Variants in CALN1 observed in about 807,000 individuals in gnomAD.
The protein encoded by CALN1 is calneuron 1, also known as calcium-binding protein 8.
Under a neutral mutation model 30.6 loss-of-function variants are expected in CALN1, and 17 were observed. The ratio of observed to expected loss-of-function variants is 0.56; its 90% CI spans 0.38 to 0.83. The LOEUF is 0.83. Ranked by LOEUF, CALN1 falls within the 40% of genes least tolerant of loss-of-function variation. The probability of loss-of-function intolerance (pLI) is 0.00; values close to 1 mark genes in which losing one functional copy is unlikely to be tolerated. For missense variants in CALN1, 291 were observed against 354.9 expected (o/e 0.82, Z 1.45); for synonymous variants, 156 against 131.4 (o/e 1.19, Z -1.28).
rs1792899978 is a variant in CALN1 at position 71,784,784 on chromosome 7, C to G, written c.*2991G>C. The G allele has an allele frequency of 4.0e-5, 16 of 398,534 alleles. 1 individual carries two copies. The South Asian group carries it at 1.5e-3, about 38-fold the overall frequency. 24.7% of individuals were successfully genotyped at this position (398,534 alleles called of 1,614,324 possible). A position where few individuals can be genotyped will look rare whatever the true frequency, so the allele number is the denominator to read the frequency against. On this transcript the variant is annotated 3_prime_UTR_variant, in exon 7 of 7. Transcript: ENST00000395275. ...AGGGGTGAGCTATTCCCTCTCAATT[C>G]CTGCGGAAGTCACTTCCAGCTGGGG... is the stretch of plus-strand genomic sequence containing the variant.
At chr7:72,249,224 A>G (rs1240478935) in intron 3 of CALN1, among the ~76,000 whole-genome samples, 6 of 152,114 alleles carry the variant, frequency 3.9e-5, no homozygotes, top group African/African-American at 1.4e-4. Flanking sequence ...AAAAAATCAG[A>G]CAGATTCACC....
intron 1 of CALN1, among the ~76,000 whole-genome samples, chr7:72,407,989 T>C (rs1294488166): frequency 6.6e-6 from 1 of 152,098 alleles, no homozygotes; most frequent in Admixed American, 6.5e-5. Context: ...ACTTTGATTC[T>C]CCCCTTCTGT....
chr7:72,410,351 A>G (rs1807038741), intron 1 of CALN1, among the ~76,000 whole-genome samples: 1 of 152,242 alleles, frequency 6.6e-6, no homozygotes, highest in African/African-American at 2.4e-5. Context: ...TCAAAAGCAC[A>G]AAAAAGAAAT....
At chr7:72,413,218 T>TACACACATATACACTCAC (rs2129563232), upstream of CALN1, among the ~76,000 whole-genome samples, 1 of 149,276 alleles carries the variant, frequency 6.7e-6, no homozygotes. Context: ...CACACACTCA[T>TACACACATATACACTCAC]ACACACATAT....
At chr7:71,969,482 TC>T (rs1797691406) in intron 5 of CALN1, among the ~76,000 whole-genome samples, 1 of 152,156 alleles carries the variant, frequency 6.6e-6, no homozygotes, top group East Asian at 1.9e-4. Context: ...CATAAATAAA[TC>T]ATGACAGTGT....
chr7:72,192,939 G>A (rs1280176143), intron 3 of CALN1, among the ~76,000 whole-genome samples: 2 of 151,700 alleles, frequency 1.3e-5, no homozygotes, highest in Non-Finnish European at 2.9e-5. Flanking sequence ...TGTAATCCCA[G>A]CACTCTGGGA....
intron 3 of CALN1, among the ~76,000 whole-genome samples, chr7:72,271,575 A>AAAAAAAAAAATATATATATATATATAT: frequency 2.7e-4 from 14 of 52,124 alleles, no homozygotes; most frequent in South Asian, 2.3e-3. Context: ...AAAAAAAAAA[A>AAAAAAAAAAATATATATATATATATAT]ATATATATAT....
At chr7:72,125,745 C>A (rs535580834) in intron 3 of CALN1, among the ~76,000 whole-genome samples, 12 of 151,534 alleles carry the variant, frequency 7.9e-5, no homozygotes, top group Non-Finnish European at 1.0e-4. Context: ...AGTCTTTTAC[C>A]CCTGCCGCCC....
At chr7:72,438,069 G>A (rs1437206986) in intron 1 of CALN1, among the ~76,000 whole-genome samples, 2 of 151,930 alleles carry the variant, frequency 1.3e-5, no homozygotes, top group Non-Finnish European at 1.5e-5. Context: ...TCACTCCTAA[G>A]CTCCAATGAT....
the CALN1 span, among the ~76,000 whole-genome samples, chr7:72,467,554 G>T: frequency 6.6e-6 from 1 of 152,216 alleles, no homozygotes; most frequent in African/African-American, 2.4e-5. Context: ...ACCCAGATTG[G>T]TGGGGGTCCA....
intron 5 of CALN1, among the ~76,000 whole-genome samples, chr7:71,902,227 AC>A: frequency 8.7e-6 from 1 of 114,596 alleles, no homozygotes; most frequent in Admixed American, 8.0e-5. Context: ...CCGTCTCAAA[AC>A]CAACCAACCA....
At chr7:72,099,247 A>C (rs1806467910) in intron 4 of CALN1, among the ~76,000 whole-genome samples, 1 of 150,124 alleles carries the variant, frequency 6.7e-6, no homozygotes, top group Non-Finnish European at 1.5e-5. Flanking sequence ...TACAGCGAAG[A>C]ATCCTAAGCT....
chr7:72,287,909 T>C (rs1390919786), intron 2 of CALN1, among the ~76,000 whole-genome samples: 1 of 152,224 alleles, frequency 6.6e-6, no homozygotes, highest in Non-Finnish European at 1.5e-5. Flanking sequence ...TTATTGAGTA[T>C]GCGAATCTTT....
intron 3 of CALN1, among the ~76,000 whole-genome samples, chr7:72,268,320 T>C (rs1286067584): frequency 6.6e-6 from 1 of 151,024 alleles, no homozygotes; most frequent in Non-Finnish European, 1.5e-5. Flanking sequence ...AAGCAGGGAG[T>C]TGAAGCAGAC....
chr7:71,944,249 T>A (rs1268208435), intron 5 of CALN1, among the ~76,000 whole-genome samples: 1 of 151,950 alleles, frequency 6.6e-6, no homozygotes, highest in Admixed American at 6.6e-5. Context: ...GAGTTCAAGA[T>A]CAACTTGGGC....
chr7:72,221,555 C>T (rs1351098179), intron 3 of CALN1, among the ~76,000 whole-genome samples: 1 of 152,026 alleles, frequency 6.6e-6, no homozygotes, highest in Non-Finnish European at 1.5e-5. Flanking sequence ...TTCCATAGTT[C>T]ACTACATAAC....
intron 5 of CALN1, among the ~76,000 whole-genome samples, chr7:71,821,765 T>G (rs1788603300): frequency 6.6e-6 from 1 of 151,776 alleles, no homozygotes; most frequent in Non-Finnish European, 1.5e-5. Context: ...TCCTTTGGTG[T>G]GAATTCTGCT....
At chr7:72,366,983 T>C (rs965962955) in intron 2 of CALN1, among the ~76,000 whole-genome samples, 3 of 152,170 alleles carry the variant, frequency 2.0e-5, no homozygotes, top group Admixed American at 2.0e-4. Flanking sequence ...AGGGAAAGAA[T>C]ATACCACAAC....
Position 72,406,937 on chromosome 7 carries a change from T to C in CALN1, c.-73-3495A>G, listed in dbSNP as rs536326469. On this transcript the variant is annotated intron_variant, in intron 1 of 6. Transcript: ENST00000395275. Reference sequence around the variant, plus strand: ...GCCCCTTGTCAGCTTTTCATTCCAATAGGTGACCTACCCACTTCCTTTAGC... The same window carrying C: ...GCCCCTTGTCAGCTTTTCATTCCAACAGGTGACCTACCCACTTCCTTTAGC... 8.5e-5 allele frequency among the ~76,000 whole-genome samples: 13 copies of C among 152,214 alleles called. No homozygotes were observed. The South Asian group carries it at 2.7e-3, about 32-fold the overall frequency.
Sources: gnomAD v4.1 joint callset for allele counts (sites outside exome capture counted in the v4.1 genomes callset) on GRCh38, gnomAD v4.1.1 for gene constraint, MANE v1.5 for transcripts, NCBI Gene and HGNC (gene_info 2026-07-23, HGNC 2026-07-21) for gene names.